Variants in COG1 observed in about 807,000 individuals in gnomAD.
COG1 encodes the protein component of oligomeric golgi complex 1.
Under a neutral mutation model 102.2 loss-of-function variants are expected in COG1, and 61 were observed. The observed-to-expected ratio is 0.60, with a 90% confidence interval of 0.49 to 0.74. The LOEUF (loss-of-function observed/expected upper bound fraction) is 0.74. COG1 is among the 30% of genes least tolerant of loss of function. COG1 has a pLI of 0.00. For missense variants in COG1, 1,164 were observed against 1,232.1 expected, an observed-to-expected ratio of 0.94 and a Z score of 0.83; for synonymous variants, 454 against 493.6, an observed-to-expected ratio of 0.92 and a Z score of 1.06.
At chr17:73,206,074 T>C in intron 10 of COG1, 80 bp from the exon 11 acceptor site, 1 of 1,185,072 alleles carries the variant, frequency 8.4e-7, no homozygotes, top group Non-Finnish European at 1.3e-6. Flanking sequence ...AACTCCAAGA[T>C]TTCTACAGCA....
At chr17:73,204,242 C>T (rs1360982876) in intron 9 of COG1, among the ~76,000 whole-genome samples, 1 of 152,234 alleles carries the variant, frequency 6.6e-6, no homozygotes, top group Admixed American at 6.5e-5. Flanking sequence ...CTTCCAACCT[C>T]AGTGCTGCCA....
chr17:73,207,532 G>A (rs1233293669), intron 13 of COG1: 1 of 598,068 alleles, frequency 1.7e-6, no homozygotes, highest in South Asian at 1.8e-5. Context: ...AATTTAGTAG[G>A]GTGAAAGAGT....
chr17:73,203,535 C>A, intron 8 of COG1, 97 bp from the exon 9 acceptor site: 1 of 1,464,074 alleles, frequency 6.8e-7, no homozygotes, highest in Non-Finnish European at 9.6e-7. Context: ...GGTCAAAGTC[C>A]TGGCACATAG....
intron 4 of COG1, among the ~76,000 whole-genome samples, chr17:73,198,325 C>T (rs138649756): frequency 6.6e-6 from 1 of 152,282 alleles, no homozygotes; most frequent in East Asian, 1.9e-4. Context: ...TGAAATGGCC[C>T]AGTGCTGTGG....
chr17:73,205,405 G>T, intron 9 of COG1, 148 bp from the exon 10 acceptor site: 2 of 818,982 alleles, frequency 2.4e-6, no homozygotes, highest in Admixed American at 1.9e-5. Context: ...TTGTTTTGTT[G>T]TTGTGAGATT....
At chr17:73,200,886 T>TG in intron 6 of COG1, 110 bp downstream of exon 6, 1 of 1,094,752 alleles carries the variant, frequency 9.1e-7, no homozygotes, top group South Asian at 1.3e-5. Flanking sequence ...TCCTGCTTAG[T>TG]AACAGATCCA....
At chr17:73,195,393 G>C (rs1033560876) in intron 1 of COG1, among the ~76,000 whole-genome samples, 2 of 152,064 alleles carry the variant, frequency 1.3e-5, no homozygotes, top group African/African-American at 4.8e-5. Flanking sequence ...CAGGTGGATT[G>C]CTTGATCACA....
At chr17:73,208,116 A>C in intron 13 of COG1, 198 bp from the exon 14 acceptor site, 1 of 1,457,098 alleles carries the variant, frequency 6.9e-7, no homozygotes, top group Non-Finnish European at 9.0e-7. Context: ...TCCAAATTCT[A>C]GTTTTGTCAC....
chr17:73,205,526 G>C, intron 9 of COG1, 27 bp from the exon 10 acceptor site: 2 of 1,613,768 alleles, frequency 1.2e-6, no homozygotes. Flanking sequence ...CTCTCTTCAT[G>C]GGTGGGGACT....
rs768914690 is a variant in COG1, at chr17:73,196,737, C to T, written c.546C>T (p.Ala182=). ...RFPILIRQVA[A]ASHFRSTILH... is the part of the protein sequence containing the mutation. ...CTATACTCATCCGGCAGGTGGCAGC[C>T]GCCAGCCACTTCCGGTAAGTGGATC... Residue 182 remains alanine (A), a synonymous_variant, in exon 2 of 14, where the codon GCC becomes GCT. Transcript: ENST00000299886. The T allele has an allele frequency of 9.1e-5, 147 of 1,613,946 alleles. No homozygotes were observed. The highest frequency in any genetic ancestry group is 1.7e-4 in the African/African-American group (13 of 74,926).
chr17:73,200,456 T>C (rs572013920), intron 5 of COG1, 110 bp from the exon 6 acceptor site: 1 of 997,650 alleles, frequency 1.0e-6, no homozygotes, highest in Non-Finnish European at 1.6e-6. Flanking sequence ...TAGATATTTA[T>C]CTACTGGAAC....
Position 73,196,659 on chromosome 17 carries a change from G to A in COG1, c.468G>A (p.Leu156=), listed in dbSNP as rs2061326325. 6.2e-7 allele frequency: 1 copy of A among 1,614,162 alleles called. No homozygotes were observed. The highest frequency in any genetic ancestry group is 1.1e-5 in the South Asian group (1 of 91,086). The change falls in exon 2 of 14, where the codon CTG becomes CTA. Residue 156 remains leucine (L), a synonymous_variant. Coordinates refer to ENST00000299886, the MANE Select transcript of COG1 (RefSeq NM_018714.3). ...LYLLCCHLHS[L]LQLDSSSSRY... ...TGCTCTGCTGCCACCTCCACAGCCT[G>A]CTCCAGCTGGATTCTTCTAGTTCCC...
At chr17:73,203,940 T>A (rs1484758855) in intron 9 of COG1, 147 bp downstream of exon 9, 1 of 865,874 alleles carries the variant, frequency 1.2e-6, no homozygotes, top group Non-Finnish European at 1.9e-6. Flanking sequence ...AAATGCTCTA[T>A]CTTAGGAGTA....
intron 10 of COG1, 120 bp from the exon 11 acceptor site, chr17:73,206,034 C>A: frequency 2.3e-6 from 2 of 854,830 alleles, no homozygotes; most frequent in Non-Finnish European, 3.9e-6. Flanking sequence ...GACAAACGTA[C>A]TAAGCCAGCA....
rs142719529 is a variant in COG1, at chr17:73,193,127, G to C, written c.58G>C (p.Ala20Pro). Reference protein sequence around the residue: ...LKRLDLRDPAALFETHGAEEI... With the variant: ...LKRLDLRDPAPLFETHGAEEI... ...GCGGCTGGATCTGCGCGACCCTGCG[G>C]CTCTTTTCGAGACGCATGGAGCGGA... Residue 20 changes from alanine to proline, a missense_variant, in exon 1 of 14, where the codon GCT (alanine) becomes CCT (proline). Ala to Pro is a conservative substitution (Grantham distance 27). Coordinates refer to ENST00000299886, the MANE Select transcript of COG1 (RefSeq NM_018714.3). 4.8e-3 allele frequency: 7,542 copies of C among 1,576,020 alleles called. 71 individuals are homozygous for C. Among genetic ancestry groups the C allele is most frequent in the Non-Finnish European group, 5.1e-3 (5,835 of 1,146,426 alleles).
intron 4 of COG1, among the ~76,000 whole-genome samples, chr17:73,198,073 A>G (rs1191549356): frequency 6.6e-6 from 1 of 151,946 alleles, no homozygotes; most frequent in Non-Finnish European, 1.5e-5. Flanking sequence ...GGTGGAATAG[A>G]TCCCCTTGGG....
intron 8 of COG1, 29 bp from the exon 9 acceptor site, chr17:73,203,603 G>T (rs1361707006): frequency 6.2e-7 from 1 of 1,613,658 alleles, no homozygotes. Context: ...GGTGCAAGTT[G>T]GCAATGTGAC....
At chr17:73,194,636 G>C (rs531357702) in intron 1 of COG1, among the ~76,000 whole-genome samples, 2 of 151,822 alleles carry the variant, frequency 1.3e-5, no homozygotes, top group African/African-American at 4.8e-5. Flanking sequence ...ACTAATTTTT[G>C]TACTTTCAGT....
At chr17:73,203,373 G>C (rs1340947467) in intron 8 of COG1, 15 of 712,772 alleles carry the variant, frequency 2.1e-5, no homozygotes, top group Non-Finnish European at 3.5e-5. Context: ...GCTAATTAGG[G>C]AACCACTTAC....
Sources: allele counts gnomAD v4.1 joint callset (sites outside exome capture counted in the v4.1 genomes callset), GRCh38; gene constraint gnomAD v4.1.1; transcripts MANE v1.5; gene names NCBI Gene and HGNC (gene_info 2026-07-23, HGNC 2026-07-21).